Variants in DRC9 observed in about 807,000 individuals in gnomAD.
DRC9 encodes the protein dynein regulatory complex subunit 9, also known as dynein regulatory complex protein 9.
the DRC9 span, among the ~76,000 whole-genome samples, chr3:197,940,308 C>CATAT: frequency 5.9e-3 from 860 of 146,330 alleles, 7 homozygotes; most frequent in African/African-American, 0.016. Flanking sequence ...TAAAAATTTA[C>CATAT]ATATATATAT....
the DRC9 span, chr3:197,955,941 G>GC: frequency 1.5e-6 from 1 of 649,114 alleles, no homozygotes; most frequent in Non-Finnish European, 2.8e-6. Context: ...AAATTACAGG[G>GC]CGAGTACAGA....
At chr3:197,893,357 C>CAAA in the DRC9 span, among the ~76,000 whole-genome samples, 2,163 of 42,996 alleles carry the variant, frequency 0.05, 259 homozygotes, top group African/African-American at 0.13. Flanking sequence ...AACTCCGTCT[C>CAAA]AAAAAAAAAA....
At chr3:197,899,938 AC>A in the DRC9 span, among the ~76,000 whole-genome samples, 2 of 151,530 alleles carry the variant, frequency 1.3e-5, no homozygotes, top group Non-Finnish European at 3.0e-5. Flanking sequence ...GCCACACGGC[AC>A]GGGTAGGATC....
At chr3:197,917,331 G>A in the DRC9 span, among the ~76,000 whole-genome samples, 1 of 152,228 alleles carries the variant, frequency 6.6e-6, no homozygotes, top group East Asian at 1.9e-4. Context: ...AGGTCCCTAA[G>A]ATGAATCAGA....
chr3:197,914,029 T>C, the DRC9 span: 1 of 1,613,884 alleles, frequency 6.2e-7, no homozygotes, highest in African/African-American at 1.3e-5. Context: ...GTTAGCAATA[T>C]ACTCATTCTG....
the DRC9 span, among the ~76,000 whole-genome samples, chr3:197,904,110 A>ATACATACATATATATATATATATATT: frequency 1.2e-5 from 1 of 80,832 alleles, no homozygotes; most frequent in Admixed American, 1.1e-4. Flanking sequence ...ATATATATAT[A>ATACATACATATATATATATATATATT]TTTTTTTTTT....
At chr3:197,957,324 C>G in the DRC9 span, 1 of 152,294 alleles carries the variant, frequency 6.6e-6, no homozygotes, top group Admixed American at 6.5e-5. Context: ...CTCTGTCACA[C>G]TGGCAGTTCT....
the DRC9 span, among the ~76,000 whole-genome samples, chr3:197,953,018 C>G: frequency 2.0e-5 from 3 of 151,956 alleles, no homozygotes; most frequent in African/African-American, 4.8e-5. Flanking sequence ...CCAGGCTGGT[C>G]TCGAACTCCT....
At chr3:197,941,800 A>G in the DRC9 span, among the ~76,000 whole-genome samples, 1 of 151,668 alleles carries the variant, frequency 6.6e-6, no homozygotes, top group Non-Finnish European at 1.5e-5. Context: ...GGCCTCAAGT[A>G]TTTCTCCCAC....
chr3:197,930,891 A>G, the DRC9 span, among the ~76,000 whole-genome samples: 1 of 151,948 alleles, frequency 6.6e-6, no homozygotes, highest in Non-Finnish European at 1.5e-5. Context: ...AAAATTAGCC[A>G]GGCGCAGTGG....
chr3:197,945,552 C>T, the DRC9 span: 1 of 1,033,144 alleles, frequency 9.7e-7, no homozygotes, highest in South Asian at 1.4e-5. Context: ...ATAAGGTATA[C>T]ACAGAAATTT....
chr3:197,904,045 TATACATAC>T, the DRC9 span, among the ~76,000 whole-genome samples: 7 of 102,832 alleles, frequency 6.8e-5, no homozygotes, highest in South Asian at 3.1e-4. Context: ...CATACATATA[TATACATAC>T]ATATATATAT....
At chr3:197,903,902 A>C in the DRC9 span, among the ~76,000 whole-genome samples, 1 of 151,376 alleles carries the variant, frequency 6.6e-6, no homozygotes, top group South Asian at 2.1e-4. Flanking sequence ...TTGAGCTCGG[A>C]GTTCAAGGCC....
At chr3:197,895,236 T>A in the DRC9 span, among the ~76,000 whole-genome samples, 1 of 152,116 alleles carries the variant, frequency 6.6e-6, no homozygotes, top group East Asian at 1.9e-4. Flanking sequence ...AATAACATCA[T>A]TTGGTATTTT....
the DRC9 span, among the ~76,000 whole-genome samples, chr3:197,902,282 G>T: frequency 2.6e-5 from 4 of 152,148 alleles, no homozygotes; most frequent in Admixed American, 6.5e-5. Context: ...GGACTACAAT[G>T]AATACGTAAT....
chr3:197,891,357 C>G, the DRC9 span: 1 of 729,452 alleles, frequency 1.4e-6, no homozygotes, highest in Non-Finnish European at 2.5e-6. Flanking sequence ...CCTTGATATA[C>G]TGAGATGTGT....
At chr3:197,955,155 A>G in the DRC9 span, among the ~76,000 whole-genome samples, 2 of 152,186 alleles carry the variant, frequency 1.3e-5, no homozygotes. Flanking sequence ...TCTTGGGGCC[A>G]GGGGGTACTG....
At chr3:197,915,666 G>A in the DRC9 span, among the ~76,000 whole-genome samples, 1 of 152,100 alleles carries the variant, frequency 6.6e-6, no homozygotes, top group Admixed American at 6.6e-5. Context: ...GCTCGCTCTT[G>A]TTGCCCAGGC....
At chr3:197,915,240 T>TAA in the DRC9 span, among the ~76,000 whole-genome samples, 33,928 of 129,656 alleles carry the variant, frequency 0.26, 6,435 homozygotes, top group African/African-American at 0.54. Context: ...AAGGGAACTC[T>TAA]AAAAAAAAAA....
Sources: gnomAD v4.1 joint callset for allele counts (sites outside exome capture counted in the v4.1 genomes callset) on GRCh38, gnomAD v4.1.1 for gene constraint, MANE v1.5 for transcripts, NCBI Gene and HGNC (gene_info 2026-07-23, HGNC 2026-07-21) for gene names.